The following ARHGEF3 variants were observed in gnomAD, a reference collection of about 807,000 sequenced individuals.
ARHGEF3 encodes the protein Rho guanine nucleotide exchange factor 3, also known as 59.8 kDA protein.
A neutral mutation model predicts 63.2 loss-of-function variants in ARHGEF3; 28 were observed. The ratio of observed to expected loss-of-function variants is 0.44; its 90% CI spans 0.33 to 0.61. The LOEUF is 0.61. ARHGEF3 is among the 20% of genes least tolerant of loss of function. The pLI is 0.03. For missense variants in ARHGEF3, 533 were observed against 659.3 expected, an observed-to-expected ratio of 0.81 and a Z score of 2.10; for synonymous variants, 266 against 254.2, an observed-to-expected ratio of 1.05 and a Z score of -0.44.
chr3:56,732,001 CT>C (rs1202688279), intron 9 of ARHGEF3: 2 of 603,000 alleles, frequency 3.3e-6, no homozygotes, highest in East Asian at 5.5e-5. Context: ...CTTAGATTAT[CT>C]TACTAAATCC....
chr3:56,932,304 T>C (rs2042435286), intron 3 of ARHGEF3, among the ~76,000 whole-genome samples: 1 of 152,124 alleles, frequency 6.6e-6, no homozygotes, highest in Non-Finnish European at 1.5e-5. Context: ...CAAAAAAAAG[T>C]CATGTATAAC....
chr3:56,931,073 C>T (rs60364230), intron 3 of ARHGEF3, among the ~76,000 whole-genome samples: 2 of 152,206 alleles, frequency 1.3e-5, no homozygotes, highest in African/African-American at 4.8e-5. Flanking sequence ...ACAGCAAATC[C>T]GATCCATTTG....
intron 3 of ARHGEF3, among the ~76,000 whole-genome samples, chr3:56,908,113 G>A (rs2041752548): frequency 6.6e-6 from 1 of 152,186 alleles, no homozygotes; most frequent in Non-Finnish European, 1.5e-5. Flanking sequence ...AAAGGAGAAA[G>A]GGCTACAATG....
At chr3:56,867,760 C>T (rs11918024) in intron 4 of ARHGEF3, among the ~76,000 whole-genome samples, 7,346 of 152,216 alleles carry the variant, frequency 0.048, 260 homozygotes, top group Non-Finnish European at 0.074. Flanking sequence ...TGTAAGCTAC[C>T]GCGCCTGGCC....
At chr3:56,986,809 G>GAA (rs5849179) in intron 2 of ARHGEF3, among the ~76,000 whole-genome samples, 18 of 147,414 alleles carry the variant, frequency 1.2e-4, no homozygotes, top group East Asian at 2.0e-4. Flanking sequence ...TGCGAATTTT[G>GAA]AAAAAAAAAA....
At chr3:56,816,135 A>G (rs2038262217) in intron 4 of ARHGEF3, among the ~76,000 whole-genome samples, 2 of 152,182 alleles carry the variant, frequency 1.3e-5, no homozygotes, top group South Asian at 4.1e-4. Context: ...GGATGGCTTG[A>G]GCCCAGGAGT....
intron 2 of ARHGEF3, among the ~76,000 whole-genome samples, chr3:57,030,063 G>C (rs867160702): frequency 6.6e-6 from 1 of 152,200 alleles, no homozygotes; most frequent in Non-Finnish European, 1.5e-5. Flanking sequence ...ACGTCTAATG[G>C]GGAGGGCTTC....
At chr3:56,994,297 T>C (rs535472104) in intron 2 of ARHGEF3, among the ~76,000 whole-genome samples, 107 of 152,200 alleles carry the variant, frequency 7.0e-4, no homozygotes, top group African/African-American at 2.5e-3. Flanking sequence ...GGTTTAACTA[T>C]AGAAGCTCTA....
chr3:56,836,388 A>G (rs1035593845), intron 4 of ARHGEF3, among the ~76,000 whole-genome samples: 1 of 152,218 alleles, frequency 6.6e-6, no homozygotes, highest in Non-Finnish European at 1.5e-5. Context: ...TAAATTAAAA[A>G]TTAGTTCTGA....
At chr3:56,890,075 AT>A (rs2108279154) in intron 3 of ARHGEF3, among the ~76,000 whole-genome samples, 1 of 152,276 alleles carries the variant, frequency 6.6e-6, no homozygotes, top group Non-Finnish European at 1.5e-5. Context: ...AAATAAATAA[AT>A]AAATACATAA....
Position 56,799,303 on chromosome 3 carries a change from T to C in ARHGEF3, c.96+2400A>G, listed in dbSNP as rs531428489. Among the ~76,000 whole-genome samples, 7 of 152,332 alleles carry C rather than the reference T, an allele frequency of 4.6e-5. No homozygotes were observed. In the South Asian group the frequency reaches 1.4e-3, roughly 32 times the overall value. On this transcript the variant is annotated intron_variant, in intron 1 of 9. Coordinates refer to ENST00000296315, the MANE Select transcript of ARHGEF3 (RefSeq NM_019555.3). ...TGCTAGAAGGCACTTCCCAGTGCCA[T>C]GCTGTGTGCACTGTCCTACCCAAGG... is the stretch of plus-strand genomic sequence containing the variant.
At chr3:56,975,674 C>A in intron 2 of ARHGEF3, 1 of 306,894 alleles carries the variant, frequency 3.3e-6, no homozygotes, top group Non-Finnish European at 6.4e-6. Flanking sequence ...CAATCTGGCT[C>A]TAGAGTTGAT....
At chr3:56,778,418 G>A (rs1316864609) in intron 1 of ARHGEF3, among the ~76,000 whole-genome samples, 13 of 152,224 alleles carry the variant, frequency 8.5e-5, no homozygotes, top group Admixed American at 8.5e-4. Context: ...CCCAGCCTCT[G>A]TCATGACTAC....
intron 4 of ARHGEF3, among the ~76,000 whole-genome samples, chr3:56,815,140 C>A (rs1222156149): frequency 1.3e-5 from 2 of 150,036 alleles, no homozygotes; most frequent in East Asian, 3.9e-4. Flanking sequence ...CGAGACCCCA[C>A]CTCTAAAAAA....
intron 3 of ARHGEF3, among the ~76,000 whole-genome samples, chr3:56,941,220 G>A (rs539897335): frequency 1.3e-5 from 2 of 152,180 alleles, no homozygotes; most frequent in African/African-American, 2.4e-5. Context: ...CACATGTTCT[G>A]TTTTTGAGGC....
At chr3:56,802,004 A>C, upstream of ARHGEF3, 10 of 564,086 alleles carry the variant, frequency 1.8e-5, no homozygotes, top group Non-Finnish European at 2.5e-5. Flanking sequence ...ATGGGTGGGG[A>C]GGGGGCGGGC....
At chr3:57,042,686 A>ATTTTTT (rs1560156239) in intron 1 of ARHGEF3, among the ~76,000 whole-genome samples, 19 of 7,656 alleles carry the variant, frequency 2.5e-3, no homozygotes, top group East Asian at 9.2e-3. Context: ...ATATATATAT[A>ATTTTTT]TATATATATA....
At chr3:56,763,904 C>T (rs1005596210) in intron 2 of ARHGEF3, among the ~76,000 whole-genome samples, 6 of 152,006 alleles carry the variant, frequency 3.9e-5, no homozygotes, top group Admixed American at 3.9e-4. Flanking sequence ...TAATTCTCTA[C>T]ATTTATTTTC....
intron 3 of ARHGEF3, among the ~76,000 whole-genome samples, chr3:56,753,921 G>A (rs1295805287): frequency 6.6e-6 from 1 of 152,212 alleles, no homozygotes; most frequent in Admixed American, 6.5e-5. Context: ...GCCATCATAA[G>A]AAGTGATTCA....
Sources: allele counts gnomAD v4.1 joint callset (sites outside exome capture counted in the v4.1 genomes callset), GRCh38; gene constraint gnomAD v4.1.1; transcripts MANE v1.5; gene names NCBI Gene and HGNC (gene_info 2026-07-23, HGNC 2026-07-21).